SLC45A4: variants seen among roughly 807,000 people sequenced by gnomAD.
SLC45A4 encodes the protein polyamine-transporter SLC45A4.
SLC45A4 carries 32 observed loss-of-function variants against 63.7 expected under a neutral mutation model. That is an observed-to-expected ratio of 0.50 (90% CI 0.38 to 0.67). The LOEUF is 0.67. Among genes scored for constraint, SLC45A4 ranks in the 30% least tolerant of loss-of-function variants. The pLI is 0.00. For missense variants in SLC45A4, 1,027 were observed against 1,157.7 expected (o/e 0.89, Z 1.64); for synonymous variants, 535 against 510.0 (o/e 1.05, Z -0.66).
chr8:141,298,626 G>A lies in SLC45A4; in HGVS notation c.-401+9470C>T, dbSNP rs558699085. ...CGGCAGCACCTCCTCCCTGACCTCC[G>A]CAGGAGCCAGGGAGCCAACCCAGAG... On this transcript the variant is annotated intron_variant, in intron 1 of 8. Coordinates refer to ENST00000517878, the MANE Select transcript of SLC45A4 (RefSeq NM_001286646.2). Among the ~76,000 whole-genome samples the A allele has an allele frequency of 3.9e-5, 6 of 152,256 alleles. No individual in the cohort carries two copies. In the South Asian group the frequency reaches 6.2e-4, roughly 16 times the overall value.
At chr8:141,253,256 T>C (rs112614313) in intron 2 of SLC45A4, 8,076 of 160,182 alleles carry the variant, frequency 0.05, 899 homozygotes, top group African/African-American at 0.19. Context: ...TGCCCACCTG[T>C]GTGTCTGTGA....
intron 1 of SLC45A4, among the ~76,000 whole-genome samples, chr8:141,301,180 G>A (rs1200584384): frequency 6.6e-6 from 1 of 152,162 alleles, no homozygotes; most frequent in African/African-American, 2.4e-5. Flanking sequence ...CAGCAACAGA[G>A]ATGTACCCGG....
At position 141,280,566 on chromosome 8, in the gene SLC45A4, G is replaced by A. The variant is rs367882058; in HGVS notation, c.-400-25937C>T. The stretch of plus-strand genomic sequence containing the variant: ...CATGGTGTTGAGGCCGGCTCTGAGG[G>A]CAGTGGGTCACTCGGGGCCCCTGCT... On this transcript the variant is annotated intron_variant, in intron 1 of 8. Coordinates refer to ENST00000517878, the MANE Select transcript of SLC45A4 (RefSeq NM_001286646.2). Among the ~76,000 whole-genome samples, 5 of 152,168 alleles carry A rather than the reference G, an allele frequency of 3.3e-5. No homozygotes were observed. In the South Asian group the frequency reaches 1.0e-3, roughly 32 times the overall value.
At chr8:141,272,805 A>AAC (rs1323862806) in intron 1 of SLC45A4, among the ~76,000 whole-genome samples, 1 of 152,080 alleles carries the variant, frequency 6.6e-6, no homozygotes, top group African/African-American at 2.4e-5. Context: ...TTCCCTCCAC[A>AAC]ACACCAGACA....
Position 141,212,235 on chromosome 8 carries a change from T to C in SLC45A4, c.2263A>G (p.Lys755Glu), listed in dbSNP as rs1555563204. 1 of 1,508,158 alleles carries C rather than the reference T, an allele frequency of 6.6e-7. No individual in the cohort carries two copies. The highest frequency in any genetic ancestry group is 2.5e-5 in the East Asian group (1 of 39,774). 93.4% of individuals were successfully genotyped at this position (1,508,158 alleles called of 1,614,324 possible). ...TCCACCGGTCCCTGCAGGCCCTCCT[T>C]CCGCGTGAGCTTCAGCACGGTGGGC... is the stretch of plus-strand genomic sequence containing the variant. ...EKPTVLKLTR[K>E]EGLQGPVETE... The change falls in exon 8 of 9, where the codon AAG (lysine) becomes GAG (glutamate). Residue 755 changes from lysine to glutamate, a missense_variant. Coordinates refer to ENST00000517878, the MANE Select transcript of SLC45A4 (RefSeq NM_001286646.2).
intron 2 of SLC45A4, among the ~76,000 whole-genome samples, chr8:141,247,483 T>G (rs534939874): frequency 6.6e-6 from 1 of 152,352 alleles, no homozygotes; most frequent in African/African-American, 2.4e-5. Flanking sequence ...ATAGATTCAA[T>G]GCAATTCCAG....
rs1569558204 is a variant in SLC45A4, at chr8:141,227,573, A to T, written c.242-5808T>A. Among the ~76,000 whole-genome samples, 1 of 152,152 alleles carries T rather than the reference A, an allele frequency of 6.6e-6. No homozygotes were observed. Among genetic ancestry groups the T allele is most frequent in the Non-Finnish European group, 1.5e-5 (1 of 68,018 alleles). ...GAACACTGTCAGGAGCCACTTCTGAAGGGCCCCAGACAGGAAAGACACTGG... is the reference window on the plus strand; with the variant it reads ...GAACACTGTCAGGAGCCACTTCTGATGGGCCCCAGACAGGAAAGACACTGG... On this transcript the variant is annotated intron_variant, in intron 2 of 8. Transcript: ENST00000517878. This position sits in a 1 kb window ranked among gnomAD's most constrained non-coding sequence, Gnocchi z 4.4.
chr8:141,251,903 G>A (rs915946898), intron 2 of SLC45A4, among the ~76,000 whole-genome samples: 1 of 150,334 alleles, frequency 6.7e-6, no homozygotes, highest in Non-Finnish European at 1.5e-5. Flanking sequence ...TGATGCCAGC[G>A]GGGCTGCCCC....
At chr8:141,296,675 A>G (rs1830565302) in intron 1 of SLC45A4, among the ~76,000 whole-genome samples, 1 of 150,742 alleles carries the variant, frequency 6.6e-6, no homozygotes. Flanking sequence ...ATCCCTATTA[A>G]AAATACAAAA....
chr8:141,271,299 C>A (rs1309239427), intron 1 of SLC45A4, among the ~76,000 whole-genome samples: 1 of 152,212 alleles, frequency 6.6e-6, no homozygotes, highest in East Asian at 1.9e-4. Flanking sequence ...TAGAGCATCA[C>A]CTCACAGCTT....
Position 141,273,286 on chromosome 8 carries a change from C to G in SLC45A4, c.-400-18657G>C, listed in dbSNP as rs1251139732. On this transcript the variant is annotated intron_variant, in intron 1 of 8. Coordinates refer to ENST00000517878, the MANE Select transcript of SLC45A4 (RefSeq NM_001286646.2). ...GGGTGTGCCCTTCTTTCCAAATGCTCAAGCACTGACCTGGTGTGTGTGCCA... is the reference window on the plus strand; with the variant it reads ...GGGTGTGCCCTTCTTTCCAAATGCTGAAGCACTGACCTGGTGTGTGTGCCA... Among the ~76,000 whole-genome samples the G allele has an allele frequency of 4.6e-5, 7 of 152,308 alleles. No individual in the cohort carries two copies. The East Asian group carries it at 1.4e-3, about 29-fold the overall frequency.
At chr8:141,261,840 CA>C (rs1829050320) in intron 1 of SLC45A4, among the ~76,000 whole-genome samples, 1 of 152,210 alleles carries the variant, frequency 6.6e-6, no homozygotes, top group Non-Finnish European at 1.5e-5. Flanking sequence ...ATCAAGCTAC[CA>C]ATGACTTTCT....
Position 141,278,638 on chromosome 8 carries a change from C to T in SLC45A4, c.-400-24009G>A, listed in dbSNP as rs964970773. ...ACCAGCAGCTGAGTGCTGACCACAG[C>T]CCCCACGGGCAGCACAGGCAAGCAA... On this transcript the variant is annotated intron_variant, in intron 1 of 8. Coordinates refer to ENST00000517878, the MANE Select transcript of SLC45A4 (RefSeq NM_001286646.2). This position sits in a 1 kb window ranked among gnomAD's most constrained non-coding sequence, Gnocchi z 4.1. 6.6e-6 allele frequency among the ~76,000 whole-genome samples: 1 copy of T among 152,258 alleles called. No homozygotes were observed. Among genetic ancestry groups the T allele is most frequent in the Non-Finnish European group, 1.5e-5 (1 of 68,044 alleles).
intron 1 of SLC45A4, among the ~76,000 whole-genome samples, chr8:141,286,262 T>G (rs1268127063): frequency 6.6e-6 from 1 of 152,090 alleles, no homozygotes; most frequent in Non-Finnish European, 1.5e-5. Flanking sequence ...CCTCGGGAGC[T>G]GAGGAGAATG....
At chr8:141,299,356 A>G (rs7012952) in intron 1 of SLC45A4, among the ~76,000 whole-genome samples, 145,497 of 152,318 alleles carry the variant, frequency 0.96, 69,869 homozygotes, top group Middle Eastern at 1. Flanking sequence ...TCAGTAGTGG[A>G]CTAGACATGT....
At chr8:141,231,532 C>T (rs886707276) in intron 2 of SLC45A4, among the ~76,000 whole-genome samples, 5 of 152,218 alleles carry the variant, frequency 3.3e-5, no homozygotes, top group African/African-American at 9.6e-5. Context: ...GAGTCGGATG[C>T]CACGTGGGGG....
chr8:141,244,977 G>A lies in SLC45A4; in HGVS notation c.241+9012C>T, dbSNP rs938746539. Reference sequence around the variant, plus strand: ...GTGGGTGGGGGGGGGGGGCGGTGTGGAGGTGGAGGCTGGGCTAGAGTGGGG... The same window carrying A: ...GTGGGTGGGGGGGGGGGGCGGTGTGAAGGTGGAGGCTGGGCTAGAGTGGGG... On this transcript the variant is annotated intron_variant, in intron 2 of 8. Transcript: ENST00000517878. Among the ~76,000 whole-genome samples the A allele has an allele frequency of 8.9e-5, 13 of 145,614 alleles. 1 individual carries two copies. Among genetic ancestry groups the A allele is most frequent in the Non-Finnish European group, 1.8e-4 (12 of 65,744 alleles).
rs1555571146 is a variant in SLC45A4 at position 141,239,594 on chromosome 8, A to ACACACACACACG, written c.241+14394_241+14395insCGTGTGTGTGTG. On this transcript the variant is annotated intron_variant, in intron 2 of 8. Transcript: ENST00000517878. ...GCAAAGCACACACACACACACACAC[A>ACACACACACACG]CACACGCACGCACACACACAGCATC... is the stretch of plus-strand genomic sequence containing the variant. Among the ~76,000 whole-genome samples the ACACACACACACG allele has an allele frequency of 9.2e-5, 14 of 151,736 alleles. No homozygotes were observed. The South Asian group carries it at 1.2e-3, about 14-fold the overall frequency.
intron 1 of SLC45A4, among the ~76,000 whole-genome samples, chr8:141,289,886 G>C (rs1163511287): frequency 6.6e-6 from 1 of 151,836 alleles, no homozygotes; most frequent in East Asian, 1.9e-4. Context: ...GGAGGCCCCG[G>C]ACACTGGAGC....
Sources: allele counts gnomAD v4.1 joint callset (sites outside exome capture counted in the v4.1 genomes callset), GRCh38; gene constraint gnomAD v4.1.1; non-coding constraint Gnocchi (gnomAD v3.1); transcripts MANE v1.5; gene names NCBI Gene and HGNC (gene_info 2026-07-23, HGNC 2026-07-21).